DNAJC1: variants seen among roughly 807,000 people sequenced by gnomAD.
DNAJC1 encodes dnaJ homolog subfamily C member 1.
Under a neutral mutation model 76.6 loss-of-function variants are expected in DNAJC1, and 58 were observed. That is an observed-to-expected ratio of 0.76 (90% CI 0.61 to 0.94). The LOEUF (loss-of-function observed/expected upper bound fraction) is 0.94. Ranked by LOEUF, DNAJC1 falls within the 40% of genes least tolerant of loss-of-function variation. The pLI is 0.00. For synonymous variants in DNAJC1, 258 were observed against 267.9 expected, an observed-to-expected ratio of 0.96 and a Z score of 0.36; for missense variants, 689 against 677.3, an observed-to-expected ratio of 1.02 and a Z score of -0.19.
intron 9 of DNAJC1, among the ~76,000 whole-genome samples, chr10:21,772,350 C>T (rs1834395674): frequency 7.3e-6 from 1 of 137,566 alleles, no homozygotes; most frequent in South Asian, 2.3e-4. Context: ...ACTATCTGGA[C>T]TTGGACTTTT....
intron 7 of DNAJC1, among the ~76,000 whole-genome samples, chr10:21,901,418 A>G (rs904291199): frequency 6.6e-6 from 1 of 152,216 alleles, no homozygotes; most frequent in Non-Finnish European, 1.5e-5. Context: ...ACATATCATT[A>G]GAGAATGTGT....
At chr10:21,828,354 G>C (rs576071568) in intron 8 of DNAJC1, among the ~76,000 whole-genome samples, 6 of 152,202 alleles carry the variant, frequency 3.9e-5, no homozygotes, top group African/African-American at 1.2e-4. Flanking sequence ...TAGCAAATGA[G>C]TAACCATTTA....
At chr10:21,834,380 G>A (rs1275043069) in intron 8 of DNAJC1, among the ~76,000 whole-genome samples, 1 of 152,236 alleles carries the variant, frequency 6.6e-6, no homozygotes, top group Non-Finnish European at 1.5e-5. Context: ...CTGGTCTACA[G>A]CTACCAGCGT....
At chr10:21,853,790 A>G (rs1763429827) in intron 8 of DNAJC1, among the ~76,000 whole-genome samples, 2 of 146,240 alleles carry the variant, frequency 1.4e-5, no homozygotes, top group African/African-American at 5.0e-5. Flanking sequence ...TCCATCTCAA[A>G]AAAAAAAAAA....
intron 8 of DNAJC1, among the ~76,000 whole-genome samples, chr10:21,836,162 G>A (rs921888545): frequency 2.6e-5 from 4 of 152,140 alleles, no homozygotes; most frequent in African/African-American, 7.2e-5. Flanking sequence ...AGACAGCGGG[G>A]GCCAATATTC....
intron 9 of DNAJC1, among the ~76,000 whole-genome samples, chr10:21,774,506 T>C (rs1054910949): frequency 1.2e-4 from 19 of 152,182 alleles, no homozygotes; most frequent in African/African-American, 4.1e-4. Context: ...TATTTTCTCC[T>C]CTCTGTCACC....
chr10:21,915,155 A>G (rs145584222), intron 6 of DNAJC1, among the ~76,000 whole-genome samples: 2 of 152,354 alleles, frequency 1.3e-5, no homozygotes, highest in African/African-American at 4.8e-5. Context: ...AAATGTGGAA[A>G]TAATTACTTG....
At chr10:21,775,475 G>C in intron 9 of DNAJC1, among the ~76,000 whole-genome samples, 1 of 151,644 alleles carries the variant, frequency 6.6e-6, no homozygotes, top group Middle Eastern at 3.4e-3. Flanking sequence ...TATGATTCTA[G>C]GTAGATAAAG....
At chr10:21,867,339 G>A (rs1180979526) in intron 8 of DNAJC1, among the ~76,000 whole-genome samples, 1 of 152,084 alleles carries the variant, frequency 6.6e-6, no homozygotes. Flanking sequence ...CTACAGATGT[G>A]TGCTGTCTAA....
chr10:21,770,395 C>CTTTTTTTTT (rs34881959), intron 9 of DNAJC1, among the ~76,000 whole-genome samples: 2 of 107,566 alleles, frequency 1.9e-5, no homozygotes, highest in Non-Finnish European at 1.8e-5. Flanking sequence ...TTTTTTTCTT[C>CTTTTTTTTT]TTTTTTTTTT....
At chr10:21,796,908 CTG>C (rs1396648640) in intron 9 of DNAJC1, among the ~76,000 whole-genome samples, 3 of 152,158 alleles carry the variant, frequency 2.0e-5, no homozygotes, top group African/African-American at 7.2e-5. Flanking sequence ...TCTCTTCACT[CTG>C]TTAATTGTTT....
At chr10:21,758,279 G>C (rs1254438927) in intron 11 of DNAJC1, among the ~76,000 whole-genome samples, 2 of 152,246 alleles carry the variant, frequency 1.3e-5, no homozygotes, top group Non-Finnish European at 2.9e-5. Context: ...GACAGCGGAA[G>C]AGATCGGGGC....
chr10:21,821,407 CTATAGAT>C (rs1223148583), intron 8 of DNAJC1, among the ~76,000 whole-genome samples: 1 of 152,044 alleles, frequency 6.6e-6, no homozygotes, highest in Non-Finnish European at 1.5e-5. Flanking sequence ...CTGTTTTTCT[CTATAGAT>C]TATAATCTCC....
chr10:21,874,432 TAAA>T (rs529885111), intron 8 of DNAJC1, among the ~76,000 whole-genome samples: 6 of 129,260 alleles, frequency 4.6e-5, no homozygotes, highest in East Asian at 2.2e-4. Flanking sequence ...ACCTGGTCTG[TAAA>T]AAAAAAAAAA....
intron 7 of DNAJC1, among the ~76,000 whole-genome samples, chr10:21,891,476 C>CAAAAAAAAAAAAAAAAAAAGA (rs1554894555): frequency 2.6e-5 from 1 of 38,860 alleles, no homozygotes; most frequent in Non-Finnish European, 5.1e-5. Flanking sequence ...ACAAAGTAGA[C>CAAAAAAAAAAAAAAAAAAAGA]AAAAAAAAAA....
intron 9 of DNAJC1, among the ~76,000 whole-genome samples, chr10:21,773,418 A>G (rs1834413382): frequency 6.6e-6 from 1 of 152,116 alleles, no homozygotes; most frequent in Admixed American, 6.6e-5. Context: ...TAATTCCCAA[A>G]CATCTGTTGA....
chr10:21,969,223 C>CAA (rs561143181), intron 1 of DNAJC1, among the ~76,000 whole-genome samples: 5 of 87,044 alleles, frequency 5.7e-5, no homozygotes, highest in African/African-American at 1.3e-4. Context: ...GACTCCATTT[C>CAA]AAAAAAAAAA....
chr10:21,758,139 A>T (rs1212414811), intron 11 of DNAJC1, among the ~76,000 whole-genome samples: 1 of 152,190 alleles, frequency 6.6e-6, no homozygotes, highest in Non-Finnish European at 1.5e-5. Flanking sequence ...AAGTAGGTGG[A>T]GAAAACTACA....
intron 1 of DNAJC1, among the ~76,000 whole-genome samples, chr10:21,982,431 ATCAAAGGACACTAGT>A (rs1231489941): frequency 2.0e-5 from 3 of 152,188 alleles, no homozygotes; most frequent in Admixed American, 6.5e-5. Flanking sequence ...CCTTTTGTGC[ATCAAAGGACACTAGT>A]AAGAGAGTAA....
Sources: gnomAD v4.1 joint callset for allele counts (sites outside exome capture counted in the v4.1 genomes callset) on GRCh38, gnomAD v4.1.1 for gene constraint, MANE v1.5 for transcripts, NCBI Gene and HGNC (gene_info 2026-07-23, HGNC 2026-07-21) for gene names.